Variants in SP3 observed in about 807,000 individuals in gnomAD.
The protein encoded by SP3 is Sp3 transcription factor, also known as transcription factor Sp3.
In SP3, 10 loss-of-function variants were observed where a neutral mutation model predicts 70.3. The ratio of observed to expected loss-of-function variants is 0.14; its 90% CI spans 0.09 to 0.24. The LOEUF is 0.24. Ranked by LOEUF, SP3 falls within the 10% of genes least tolerant of loss-of-function variation. The pLI, the probability that SP3 is intolerant of heterozygous loss-of-function variation, is 1.00. For missense variants in SP3, 825 were observed against 914.6 expected, an observed-to-expected ratio of 0.90 and a Z score of 1.26; for synonymous variants, 402 against 333.5, an observed-to-expected ratio of 1.21 and a Z score of -2.24.
At chr2:173,923,390 G>C (rs996539867) in intron 4 of SP3, among the ~76,000 whole-genome samples, 1 of 151,866 alleles carries the variant, frequency 6.6e-6, no homozygotes, top group East Asian at 1.9e-4. Context: ...ACACAATATG[G>C]TTACAAAGAT....
At chr2:173,938,220 G>A (rs1003986752) in intron 4 of SP3, among the ~76,000 whole-genome samples, 1 of 152,042 alleles carries the variant, frequency 6.6e-6, no homozygotes, top group Non-Finnish European at 1.5e-5. Flanking sequence ...ACTTTGGGAG[G>A]CCAAGGAGGG....
At chr2:173,912,316 C>T (rs1315004774) in intron 6 of SP3, among the ~76,000 whole-genome samples, 1 of 152,204 alleles carries the variant, frequency 6.6e-6, no homozygotes, top group African/African-American at 2.4e-5. Context: ...TTCGCTTAAC[C>T]TAATAGGGAA....
At chr2:173,939,232 G>T (rs1690293859) in intron 4 of SP3, among the ~76,000 whole-genome samples, 1 of 152,144 alleles carries the variant, frequency 6.6e-6, no homozygotes, top group Admixed American at 6.5e-5. Context: ...GGTAATGGAA[G>T]AGCCAGTAAA....
At chr2:173,957,974 T>C (rs1489136225) in intron 3 of SP3, among the ~76,000 whole-genome samples, 1 of 152,170 alleles carries the variant, frequency 6.6e-6, no homozygotes, top group Non-Finnish European at 1.5e-5. Context: ...TTCCTAACAT[T>C]ACAGTGACAA....
chr2:173,964,263 G>T (rs1691197983), intron 2 of SP3, 142 bp downstream of exon 2: 1 of 510,826 alleles, frequency 2.0e-6, no homozygotes, highest in Admixed American at 4.2e-5. Flanking sequence ...CCTCGGGCGG[G>T]CAGCTCCCGG....
At chr2:173,927,682 A>G (rs575873214) in intron 4 of SP3, among the ~76,000 whole-genome samples, 4 of 152,368 alleles carry the variant, frequency 2.6e-5, no homozygotes, top group Admixed American at 6.5e-5. Context: ...TAAGCTTTAT[A>G]AAGTATTTTA....
intron 3 of SP3, among the ~76,000 whole-genome samples, chr2:173,958,263 C>T (rs1690955859): frequency 7.3e-6 from 1 of 136,468 alleles, no homozygotes; most frequent in Non-Finnish European, 1.5e-5. Context: ...TTTACAGCAC[C>T]TAAAGTGTTT....
At chr2:173,918,563 A>C (rs1431009347) in intron 5 of SP3, 30 bp downstream of exon 5, 9 of 1,592,560 alleles carry the variant, frequency 5.7e-6, no homozygotes, top group Middle Eastern at 3.7e-4. Flanking sequence ...AGCACTCTTA[A>C]AAATATATAT....
chr2:173,958,467 CCATT>C (rs1328518240), intron 3 of SP3, among the ~76,000 whole-genome samples: 1 of 151,414 alleles, frequency 6.6e-6, no homozygotes, highest in Non-Finnish European at 1.5e-5. Flanking sequence ...GCAATTCAGG[CCATT>C]AATTGAAGGA....
At chr2:173,944,855 G>A (rs1316877973) in intron 4 of SP3, among the ~76,000 whole-genome samples, 1 of 152,170 alleles carries the variant, frequency 6.6e-6, no homozygotes, top group Non-Finnish European at 1.5e-5. Context: ...GGTGGTTCAT[G>A]CCTGTAATCC....
intron 4 of SP3, among the ~76,000 whole-genome samples, chr2:173,923,141 G>A (rs762552613): frequency 1.4e-4 from 22 of 151,986 alleles, no homozygotes; most frequent in Admixed American, 3.9e-4. Flanking sequence ...TTTATAAACA[G>A]CACTGTTTTT....
intron 6 of SP3, among the ~76,000 whole-genome samples, chr2:173,910,892 G>GT (rs1158188851): frequency 6.6e-6 from 1 of 152,164 alleles, no homozygotes; most frequent in Admixed American, 6.5e-5. Context: ...CATGAATAAA[G>GT]TAAGTTTAAA....
intron 4 of SP3, among the ~76,000 whole-genome samples, chr2:173,927,425 C>T (rs368184519): frequency 3.2e-4 from 48 of 151,844 alleles, no homozygotes; most frequent in Non-Finnish European, 5.1e-4. Context: ...TACAAGTGTC[C>T]GCCACCACGC....
chr2:173,933,673 A>ATATAT (rs1559098593), intron 4 of SP3, among the ~76,000 whole-genome samples: 191 of 61,576 alleles, frequency 3.1e-3, no homozygotes, highest in African/African-American at 8.6e-3. Flanking sequence ...TATATATATA[A>ATATAT]AAGTTATAAA....
chr2:173,928,394 C>A (rs1235091333), intron 4 of SP3, among the ~76,000 whole-genome samples: 1 of 152,040 alleles, frequency 6.6e-6, no homozygotes, highest in African/African-American at 2.4e-5. Flanking sequence ...AAAGGCTCTG[C>A]TCTAGCACTG....
chr2:173,912,748 T>C (rs548602105), intron 6 of SP3, among the ~76,000 whole-genome samples: 7 of 152,064 alleles, frequency 4.6e-5, no homozygotes, highest in Admixed American at 6.5e-5. Flanking sequence ...AAAAATAGGA[T>C]AGATCAAGAG....
chr2:173,938,721 C>T (rs1340414070), intron 4 of SP3, among the ~76,000 whole-genome samples: 5 of 152,086 alleles, frequency 3.3e-5, no homozygotes, highest in Admixed American at 3.3e-4. Context: ...GAAGGGAAGG[C>T]TGCGGGATAA....
At chr2:173,963,384 A>G (rs959599448) in intron 3 of SP3, 13 of 152,270 alleles carry the variant, frequency 8.5e-5, no homozygotes, top group African/African-American at 1.7e-4. Context: ...AATAAAAACT[A>G]AAGACATTGC....
intron 5 of SP3, 26 bp downstream of exon 5, chr2:173,918,567 T>C (rs1689669425): frequency 6.2e-7 from 1 of 1,600,168 alleles, no homozygotes; most frequent in Non-Finnish European, 8.5e-7. Flanking sequence ...CTCTTAAAAA[T>C]ATATATGTGT....
Sources: allele counts gnomAD v4.1 joint callset (sites outside exome capture counted in the v4.1 genomes callset), GRCh38; gene constraint gnomAD v4.1.1; transcripts MANE v1.5; gene names NCBI Gene and HGNC (gene_info 2026-07-23, HGNC 2026-07-21).